Variants in RASAL2 observed in about 807,000 individuals in gnomAD.
RASAL2 encodes ras GTPase-activating protein nGAP.
Under a neutral mutation model 128.9 loss-of-function variants are expected in RASAL2, and 58 were observed. The observed-to-expected ratio is 0.45, with a 90% CI of 0.36 to 0.56. RASAL2 has a LOEUF of 0.56. Among genes scored for constraint, RASAL2 ranks in the 20% least tolerant of loss-of-function variants. RASAL2 has a pLI of 0.00. For missense variants in RASAL2, 1,360 were observed against 1,601.6 expected, an observed-to-expected ratio of 0.85 and a Z score of 2.57; for synonymous variants, 561 against 580.8, an observed-to-expected ratio of 0.97 and a Z score of 0.49.
At chr1:178,189,900 T>C (rs1292253384) in intron 1 of RASAL2, among the ~76,000 whole-genome samples, 1 of 152,196 alleles carries the variant, frequency 6.6e-6, no homozygotes, top group Non-Finnish European at 1.5e-5. Flanking sequence ...TGTAAACTGA[T>C]GGTACATGTT....
Position 178,264,511 on chromosome 1 carries a change from G to A in RASAL2, c.203-19053G>A, listed in dbSNP as rs554122246. ...GTTCTTACAACCCCCTCTCAGATTT[G>A]ATAATTTGCTATAGTGGCTCTCAGA... On this transcript the variant is annotated intron_variant, in intron 1 of 17. Transcript: ENST00000367649. Among the ~76,000 whole-genome samples, 4 of 152,180 alleles carry A rather than the reference G, an allele frequency of 2.6e-5. No individual in the cohort carries two copies. In the South Asian group the frequency reaches 8.3e-4, roughly 32 times the overall value.
At chr1:178,371,597 C>T (rs1465324976) in intron 3 of RASAL2, among the ~76,000 whole-genome samples, 1 of 152,074 alleles carries the variant, frequency 6.6e-6, no homozygotes, top group Non-Finnish European at 1.5e-5. Flanking sequence ...GGGATGAGAG[C>T]TTCCTATTCA....
intron 9 of RASAL2, 27 bp downstream of exon 9, chr1:178,445,689 C>A (rs1238659985): frequency 3.2e-6 from 5 of 1,576,878 alleles, no homozygotes; most frequent in Middle Eastern, 1.7e-4. Flanking sequence ...CATCTATTTT[C>A]TTTTATTTAC....
intron 1 of RASAL2, among the ~76,000 whole-genome samples, chr1:178,200,324 G>A (rs1662818546): frequency 6.6e-6 from 1 of 152,154 alleles, no homozygotes; most frequent in Non-Finnish European, 1.5e-5. Context: ...ATAGTCCTTG[G>A]CGTGAACTGT....
chr1:178,228,852 A>G (rs1346478175), intron 1 of RASAL2, among the ~76,000 whole-genome samples: 8 of 152,190 alleles, frequency 5.3e-5, no homozygotes, highest in African/African-American at 4.8e-5. Context: ...ATGAAGCAAG[A>G]TATTTTGTTA....
intron 1 of RASAL2, among the ~76,000 whole-genome samples, chr1:178,169,595 C>T (rs899665637): frequency 1.7e-4 from 26 of 151,796 alleles, no homozygotes; most frequent in African/African-American, 5.3e-4. Context: ...TCTTATTGGT[C>T]CTACTTGTGT....
chr1:178,292,683 AG>A (rs1667333121), intron 2 of RASAL2, among the ~76,000 whole-genome samples: 1 of 107,248 alleles, frequency 9.3e-6, no homozygotes, highest in African/African-American at 2.6e-5. Context: ...TGCTTGCAAG[AG>A]ATGAGACCAA....
rs1572026462 is a variant in RASAL2, at chr1:178,411,330, A to G, written c.565-9181A>G. 1.3e-5 allele frequency among the ~76,000 whole-genome samples: 2 copies of G among 152,198 alleles called. 1 individual carries two copies. The highest frequency in any genetic ancestry group is 4.1e-4 in the South Asian group (2 of 4,832). On this transcript the variant is annotated intron_variant, in intron 4 of 17. Transcript: ENST00000367649. ...AACCAAATATTGTATGTTCTCACTT[A>G]TAAGTGGGAGCTAAGCTGTGAGGAC...
At chr1:178,173,047 G>A (rs1295450965) in intron 1 of RASAL2, among the ~76,000 whole-genome samples, 1 of 152,094 alleles carries the variant, frequency 6.6e-6, no homozygotes, top group Non-Finnish European at 1.5e-5. Context: ...ATGTGCATGT[G>A]TGGTTGGACG....
intron 1 of RASAL2, among the ~76,000 whole-genome samples, chr1:178,176,951 C>G (rs569378626): frequency 6.6e-6 from 1 of 152,160 alleles, no homozygotes; most frequent in African/African-American, 2.4e-5. Context: ...GCCTGGCTAT[C>G]AGGTGCAATT....
intron 5 of RASAL2, among the ~76,000 whole-genome samples, chr1:178,433,355 T>TGGCA (rs1490817764): frequency 2.6e-5 from 4 of 152,252 alleles, no homozygotes; most frequent in African/African-American, 7.2e-5. Flanking sequence ...AGAGCCTTTT[T>TGGCA]TGGCATCCTT....
chr1:178,140,626 T>C (rs1660490639), intron 1 of RASAL2, among the ~76,000 whole-genome samples: 6 of 152,182 alleles, frequency 3.9e-5, no homozygotes, highest in Admixed American at 3.9e-4. Flanking sequence ...AAAAGTTTCC[T>C]CCATGACTTT....
In RASAL2 at chr1:178,445,445, T is replaced by C. The variant is rs1676934451; in HGVS notation, c.1483-73T>C. On this transcript the variant is annotated intron_variant, in intron 8 of 17. Coordinates refer to ENST00000367649, the MANE Select transcript of RASAL2 (RefSeq NM_170692.4). The stretch of plus-strand genomic sequence containing the variant: ...AAAGCAGCATTTCCAGGATGTCTGA[T>C]ATTTCAAAAGTCTCTTCTAATGTGT... 11 of 1,427,416 alleles carry C rather than the reference T, an allele frequency of 7.7e-6. No individual in the cohort carries two copies. In the South Asian group the frequency reaches 1.7e-4, roughly 22 times the overall value. The allele number at this position is 1,427,416 out of a possible 1,614,324, so 88.4% of individuals were successfully genotyped here. A position where few individuals can be genotyped will look rare whatever the true frequency, so the allele number is the denominator to read the frequency against.
At chr1:178,325,065 T>C (rs1349186930) in intron 3 of RASAL2, among the ~76,000 whole-genome samples, 1 of 152,222 alleles carries the variant, frequency 6.6e-6, no homozygotes, top group African/African-American at 2.4e-5. Context: ...CTTCAGATAT[T>C]TGCATGTTAA....
intron 1 of RASAL2, among the ~76,000 whole-genome samples, chr1:178,257,423 A>ATGTGTGTG (rs71108037): frequency 0.034 from 4,984 of 147,202 alleles, 173 homozygotes; most frequent in African/African-American, 0.085. Flanking sequence ...GCTCAGGGAT[A>ATGTGTGTG]TGTGTGTGTG....
intron 17 of RASAL2, among the ~76,000 whole-genome samples, chr1:178,471,621 T>C (rs892992319): frequency 6.6e-6 from 1 of 151,866 alleles, no homozygotes; most frequent in Non-Finnish European, 1.5e-5. Flanking sequence ...TGTTGTTTCT[T>C]TTTTTTTAAT....
At chr1:178,131,356 A>G (rs903474738) in intron 1 of RASAL2, among the ~76,000 whole-genome samples, 16 of 143,186 alleles carry the variant, frequency 1.1e-4, no homozygotes, top group Non-Finnish European at 2.3e-4. Context: ...GTAGTCGTGC[A>G]CTACCACGCC....
Position 178,458,470 on chromosome 1 carries a change from C to T in RASAL2, c.3178C>T (p.Arg1060Trp), listed in dbSNP as rs376851074. The change falls in exon 14 of 18, where the codon CGG (arginine) becomes TGG (tryptophan). Residue 1060 changes from arginine to tryptophan, a missense_variant. Coordinates refer to ENST00000367649, the MANE Select transcript of RASAL2 (RefSeq NM_170692.4). ...AEPVQNGSRS[R>W]QQSSSSRESP... ...ACCTGTGCAGAATGGGAGCCGGTCCCGGCAGCAGTCCTCTTCCTCCAGAGA... is the reference window on the plus strand; with the variant it reads ...ACCTGTGCAGAATGGGAGCCGGTCCTGGCAGCAGTCCTCTTCCTCCAGAGA... 120 of 1,613,996 alleles carry T rather than the reference C, an allele frequency of 7.4e-5. No homozygotes were observed. Among genetic ancestry groups the T allele is most frequent in the Non-Finnish European group, 9.3e-5 (110 of 1,180,040 alleles).
chr1:178,343,938 C>T (rs1670014105), intron 3 of RASAL2, among the ~76,000 whole-genome samples: 1 of 151,958 alleles, frequency 6.6e-6, no homozygotes, highest in East Asian at 1.9e-4. Flanking sequence ...TTGGAAAGAT[C>T]AAATCAGTAT....
Sources: gnomAD v4.1 joint callset for allele counts (sites outside exome capture counted in the v4.1 genomes callset) on GRCh38, gnomAD v4.1.1 for gene constraint, MANE v1.5 for transcripts, NCBI Gene and HGNC (gene_info 2026-07-23, HGNC 2026-07-21) for gene names.